The following LIN7A variants were observed in gnomAD, a reference collection of about 807,000 sequenced individuals.
The protein encoded by LIN7A is protein lin-7 homolog A.
In LIN7A, 25 loss-of-function variants were observed where a neutral mutation model predicts 29.8. The ratio of observed to expected loss-of-function variants is 0.84; its 90% CI spans 0.61 to 1.17. The LOEUF is 1.17. Among genes scored for constraint, LIN7A ranks in the 50% most tolerant of loss-of-function variants. The pLI, the probability that LIN7A is intolerant of heterozygous loss-of-function variation, is 0.00. For synonymous variants in LIN7A, 118 were observed against 107.5 expected (o/e 1.10, Z -0.60); for missense variants, 239 against 287.0 (o/e 0.83, Z 1.21).
At chr12:80,851,168 A>G (rs1873312942) in intron 2 of LIN7A, among the ~76,000 whole-genome samples, 1 of 152,148 alleles carries the variant, frequency 6.6e-6, no homozygotes, top group Non-Finnish European at 1.5e-5. Context: ...GAATTTCTTT[A>G]TATTTTGAAT....
chr12:80,926,927 C>CA (rs35483715), intron 1 of LIN7A, among the ~76,000 whole-genome samples: 11,086 of 54,416 alleles, frequency 0.2, 1,048 homozygotes, highest in Non-Finnish European at 0.26. Flanking sequence ...GACTCCATCT[C>CA]AAAAAAAAAA....
intron 2 of LIN7A, among the ~76,000 whole-genome samples, chr12:80,866,393 AT>A (rs925385336): frequency 9.9e-5 from 15 of 151,652 alleles, no homozygotes; most frequent in African/African-American, 3.1e-4. Context: ...ACTCTTCTTA[AT>A]TTTTTTTTCT....
intron 5 of LIN7A, among the ~76,000 whole-genome samples, chr12:80,809,485 A>G (rs1383352023): frequency 6.6e-6 from 1 of 152,274 alleles, no homozygotes; most frequent in Non-Finnish European, 1.5e-5. Context: ...TCCAAAGGAT[A>G]GCAAGGAAAA....
chr12:80,919,528 C>T (rs907216325), intron 1 of LIN7A, among the ~76,000 whole-genome samples: 5 of 152,076 alleles, frequency 3.3e-5, no homozygotes, highest in Non-Finnish European at 5.9e-5. Context: ...AAACTTCCAC[C>T]GGGTGCTTCC....
chr12:80,854,804 T>A (rs1873517762), intron 2 of LIN7A, among the ~76,000 whole-genome samples: 1 of 152,124 alleles, frequency 6.6e-6, no homozygotes, highest in South Asian at 2.1e-4. Flanking sequence ...TTTTAAGACA[T>A]AGGAAAGCAG....
chr12:80,864,236 T>C (rs1205207505), intron 2 of LIN7A, among the ~76,000 whole-genome samples: 1 of 151,954 alleles, frequency 6.6e-6, no homozygotes, highest in Non-Finnish European at 1.5e-5. Context: ...CAAGACTCAA[T>C]ACGCAAGGCT....
chr12:80,844,030 T>A (rs930702671), intron 4 of LIN7A, among the ~76,000 whole-genome samples: 13 of 151,822 alleles, frequency 8.6e-5, no homozygotes, highest in African/African-American at 3.1e-4. Flanking sequence ...TAATATACTT[T>A]GAAATTTTTT....
At chr12:80,834,793 A>C (rs71463887) in intron 4 of LIN7A, among the ~76,000 whole-genome samples, 1 of 151,918 alleles carries the variant, frequency 6.6e-6, no homozygotes, top group African/African-American at 2.4e-5. Flanking sequence ...TAAAAACAGA[A>C]CAAGATATAA....
At chr12:80,884,486 C>T (rs1157012287) in intron 2 of LIN7A, among the ~76,000 whole-genome samples, 1 of 152,066 alleles carries the variant, frequency 6.6e-6, no homozygotes, top group Non-Finnish European at 1.5e-5. Flanking sequence ...TAAAACATTA[C>T]TAGTCGTCTA....
chr12:80,844,967 G>A (rs1436183830), intron 4 of LIN7A, among the ~76,000 whole-genome samples: 1 of 152,138 alleles, frequency 6.6e-6, no homozygotes, highest in African/African-American at 2.4e-5. Context: ...GGCCGGGCGC[G>A]ATGGTTCACG....
At chr12:80,830,084 C>T (rs986727609) in intron 4 of LIN7A, among the ~76,000 whole-genome samples, 3 of 152,134 alleles carry the variant, frequency 2.0e-5, no homozygotes, top group Non-Finnish European at 2.9e-5. Context: ...CATGAAGGTC[C>T]AAACAGGAGA....
chr12:80,885,571 C>T (rs958603710), intron 2 of LIN7A, among the ~76,000 whole-genome samples: 1 of 151,984 alleles, frequency 6.6e-6, no homozygotes, highest in Non-Finnish European at 1.5e-5. Context: ...TGTTGCTTAC[C>T]ACTATCTGTA....
At chr12:80,801,665 C>T (rs1009253673) in intron 5 of LIN7A, among the ~76,000 whole-genome samples, 9 of 152,046 alleles carry the variant, frequency 5.9e-5, no homozygotes, top group Non-Finnish European at 1.3e-4. Flanking sequence ...ATTTTATCAC[C>T]ACACATACTT....
rs1417330554 is a variant in LIN7A, at chr12:80,795,321, C to T, written c.*2406G>A. On this transcript the variant is annotated 3_prime_UTR_variant, in exon 6 of 6. Coordinates refer to ENST00000552864, the MANE Select transcript of LIN7A (RefSeq NM_004664.4). ...CAAGATTTTACTGAAGGAAAATGGTCATTTGTATATGAGACCACTCTGACG... is the reference window on the plus strand; with the variant it reads ...CAAGATTTTACTGAAGGAAAATGGTTATTTGTATATGAGACCACTCTGACG... The T allele has an allele frequency of 1.3e-5, 2 of 151,966 alleles. No individual in the cohort carries two copies. Among genetic ancestry groups the T allele is most frequent in the African/African-American group, 4.8e-5 (2 of 41,402 alleles). 9.4% of individuals were successfully genotyped at this position (151,966 alleles called of 1,614,324 possible). A position where few individuals can be genotyped will look rare whatever the true frequency, so the allele number is the denominator to read the frequency against.
At chr12:80,867,869 A>G (rs1026956540) in intron 2 of LIN7A, among the ~76,000 whole-genome samples, 1 of 152,218 alleles carries the variant, frequency 6.6e-6, no homozygotes, top group Non-Finnish European at 1.5e-5. Context: ...ACTTCAACCC[A>G]TCTCCTTAAT....
At chr12:80,832,398 A>C in intron 4 of LIN7A, 1 of 402,420 alleles carries the variant, frequency 2.5e-6, no homozygotes, top group South Asian at 1.9e-5. Context: ...GACAGATTCA[A>C]TACCAAATTT....
intron 5 of LIN7A, among the ~76,000 whole-genome samples, chr12:80,805,051 T>A (rs1223167406): frequency 6.6e-6 from 1 of 152,190 alleles, no homozygotes; most frequent in Non-Finnish European, 1.5e-5. Context: ...TTGTACTAAT[T>A]AGTTTACTCT....
intron 4 of LIN7A, among the ~76,000 whole-genome samples, chr12:80,840,037 T>G (rs1215618164): frequency 6.6e-6 from 1 of 152,202 alleles, no homozygotes; most frequent in Non-Finnish European, 1.5e-5. Flanking sequence ...ATATTTTTTT[T>G]AAGTCCTCAT....
intron 4 of LIN7A, 24 bp downstream of exon 4, chr12:80,845,706 T>A: frequency 6.3e-7 from 1 of 1,580,982 alleles, no homozygotes; most frequent in Non-Finnish European, 8.6e-7. Flanking sequence ...AAGGAGAAAA[T>A]CTCTGGTTAT....
Sources: allele counts gnomAD v4.1 joint callset (sites outside exome capture counted in the v4.1 genomes callset), GRCh38; gene constraint gnomAD v4.1.1; transcripts MANE v1.5; gene names NCBI Gene and HGNC (gene_info 2026-07-23, HGNC 2026-07-21).